MCTP1: variants seen among roughly 807,000 people sequenced by gnomAD.
The protein encoded by MCTP1 is multiple C2 and transmembrane domain containing 1, also known as multiple C2 and transmembrane domain-containing protein 1.
MCTP1 carries 69 observed loss-of-function variants against 120.6 expected under a neutral mutation model. That is an observed-to-expected ratio of 0.57 (90% CI 0.47 to 0.70). The LOEUF (loss-of-function observed/expected upper bound fraction) is 0.70. Ranked by LOEUF, MCTP1 falls within the 30% of genes least tolerant of loss-of-function variation. The probability of loss-of-function intolerance (pLI) is 0.00; values close to 1 mark genes in which losing one functional copy is unlikely to be tolerated. For synonymous variants in MCTP1, 529 were observed against 493.1 expected (o/e 1.07, Z -0.96); for missense variants, 1,203 against 1,248.8 (o/e 0.96, Z 0.55).
chr5:95,270,175 T>C (rs2152730647), intron 1 of MCTP1, among the ~76,000 whole-genome samples: 1 of 152,318 alleles, frequency 6.6e-6, no homozygotes, highest in East Asian at 1.9e-4. Flanking sequence ...TAAAAGTTGC[T>C]AGTTACTTGG....
intron 1 of MCTP1, among the ~76,000 whole-genome samples, chr5:95,281,382 T>C (rs1246058583): frequency 6.6e-6 from 1 of 152,216 alleles, no homozygotes; most frequent in African/African-American, 2.4e-5. Context: ...CCGGGCTCCT[T>C]TGAGATGGGC....
intron 1 of MCTP1, among the ~76,000 whole-genome samples, chr5:95,205,689 T>C (rs1378531459): frequency 6.6e-6 from 1 of 151,932 alleles, no homozygotes; most frequent in African/African-American, 2.4e-5. Flanking sequence ...CTAAATAATG[T>C]AAAAACTAAT....
chr5:94,876,517 T>C (rs1420642344), intron 12 of MCTP1, among the ~76,000 whole-genome samples: 6 of 152,196 alleles, frequency 3.9e-5, no homozygotes, highest in Admixed American at 3.9e-4. Context: ...GATATTTTGT[T>C]TCTGATAATT....
At chr5:94,979,063 T>C (rs1432199075) in intron 2 of MCTP1, 1 of 151,868 alleles carries the variant, frequency 6.6e-6, no homozygotes, top group Non-Finnish European at 1.5e-5. Context: ...GACATGGCCA[T>C]AGAGGACAAT....
chr5:94,852,689 A>C (rs906469020), intron 17 of MCTP1, among the ~76,000 whole-genome samples: 9 of 151,940 alleles, frequency 5.9e-5, no homozygotes, highest in African/African-American at 2.2e-4. Flanking sequence ...CTTGCAGACT[A>C]TATTTAACAT....
chr5:94,802,141 T>C (rs1157520828), intron 17 of MCTP1, among the ~76,000 whole-genome samples: 1 of 152,198 alleles, frequency 6.6e-6, no homozygotes, highest in Non-Finnish European at 1.5e-5. Context: ...TCTATTGTGG[T>C]TTTAAGAATC....
chr5:95,205,607 T>C (rs74437667), intron 1 of MCTP1, among the ~76,000 whole-genome samples: 1,827 of 152,192 alleles, frequency 0.012, 39 homozygotes, highest in African/African-American at 0.04. Context: ...GACTTGTATC[T>C]AGAATATATA....
intron 1 of MCTP1, among the ~76,000 whole-genome samples, chr5:95,154,992 G>C (rs536774805): frequency 7.9e-5 from 12 of 152,074 alleles, no homozygotes; most frequent in African/African-American, 2.9e-4. Flanking sequence ...ACACTATGCT[G>C]GTAGCTAATT....
chr5:94,936,954 G>A (rs1441454276), intron 5 of MCTP1, among the ~76,000 whole-genome samples: 1 of 151,880 alleles, frequency 6.6e-6, no homozygotes, highest in Non-Finnish European at 1.5e-5. Context: ...CCATGCCTCA[G>A]CTATTGATTG....
At chr5:95,122,509 G>GC (rs1758317569) in intron 1 of MCTP1, among the ~76,000 whole-genome samples, 1 of 152,076 alleles carries the variant, frequency 6.6e-6, no homozygotes, top group African/African-American at 2.4e-5. Context: ...ACAAATATTG[G>GC]CAAGGATATA....
Position 94,953,879 on chromosome 5 carries a change from A to C in MCTP1, c.839-518T>G, listed in dbSNP as rs1477668673. Among the ~76,000 whole-genome samples the C allele has an allele frequency of 4.9e-5, 6 of 122,300 alleles. No individual in the cohort carries two copies. In the East Asian group the frequency reaches 1.3e-3, roughly 27 times the overall value. 80.2% of individuals were successfully genotyped at this position (122,300 alleles called of 152,430 possible). A position where few individuals can be genotyped will look rare whatever the true frequency, so the allele number is the denominator to read the frequency against. ...TATATGCATATATATACAAATATAT[A>C]TGCATATATATACAAATATATATAT... On this transcript the variant is annotated intron_variant, in intron 2 of 22. Coordinates refer to ENST00000515393, the MANE Select transcript of MCTP1 (RefSeq NM_024717.7).
chr5:94,753,612 A>G (rs565768601), intron 19 of MCTP1, among the ~76,000 whole-genome samples: 1 of 152,332 alleles, frequency 6.6e-6, no homozygotes, highest in South Asian at 2.1e-4. Flanking sequence ...TTGCACATTT[A>G]CTTTCAGGTA....
At chr5:95,138,893 TTAATTC>T (rs1404671571) in intron 1 of MCTP1, among the ~76,000 whole-genome samples, 1 of 152,242 alleles carries the variant, frequency 6.6e-6, no homozygotes, top group Non-Finnish European at 1.5e-5. Flanking sequence ...TTATTTTCAA[TTAATTC>T]TTTTTCTGAT....
intron 1 of MCTP1, among the ~76,000 whole-genome samples, chr5:95,227,074 C>T (rs1562256852): frequency 6.6e-6 from 1 of 152,034 alleles, no homozygotes; most frequent in Admixed American, 6.5e-5. Context: ...CCCATTAAGC[C>T]TTGGAGGCCA....
chr5:94,786,406 T>C (rs533727429), intron 18 of MCTP1, among the ~76,000 whole-genome samples: 8 of 152,128 alleles, frequency 5.3e-5, no homozygotes, highest in African/African-American at 1.4e-4. Context: ...CTATAAATAA[T>C]GATATTTTTT....
In MCTP1 at chr5:95,200,899, G is replaced by A. The variant is rs551627688; in HGVS notation, c.720+82957C>T. 2.4e-3 allele frequency among the ~76,000 whole-genome samples: 368 copies of A among 151,534 alleles called. 1 individual carries two copies. The highest frequency in any genetic ancestry group is 8.7e-3 in the African/African-American group (360 of 41,414). Reference sequence around the variant, plus strand: ...TATACATATTTCAAAACATCATGTTGTACATGATAAACATATAAAATGATT... The same window carrying A: ...TATACATATTTCAAAACATCATGTTATACATGATAAACATATAAAATGATT... On this transcript the variant is annotated intron_variant, in intron 1 of 22. Transcript: ENST00000515393.
intron 1 of MCTP1, among the ~76,000 whole-genome samples, chr5:95,278,460 G>A (rs1221678151): frequency 2.6e-5 from 4 of 152,112 alleles, no homozygotes; most frequent in South Asian, 2.1e-4. Context: ...AAACATGCAC[G>A]TTTATATAAA....
intron 19 of MCTP1, among the ~76,000 whole-genome samples, chr5:94,758,046 G>C (rs1770360859): frequency 6.6e-6 from 1 of 152,132 alleles, no homozygotes. Flanking sequence ...AAAAAAATGA[G>C]ATCCAACAAA....
intron 17 of MCTP1, among the ~76,000 whole-genome samples, chr5:94,827,616 T>C (rs567806638): frequency 2.6e-5 from 4 of 152,270 alleles, no homozygotes; most frequent in African/African-American, 9.6e-5. Context: ...CAAATGTAGG[T>C]TTGGTCTTTT....
Sources: allele counts gnomAD v4.1 joint callset (sites outside exome capture counted in the v4.1 genomes callset), GRCh38; gene constraint gnomAD v4.1.1; transcripts MANE v1.5; gene names NCBI Gene and HGNC (gene_info 2026-07-23, HGNC 2026-07-21).